CNTN4: variants seen among roughly 807,000 people sequenced by gnomAD.
The protein encoded by CNTN4 is contactin 4, also known as contactin-4.
A neutral mutation model predicts 122.5 loss-of-function variants in CNTN4; 77 were observed. That is an observed-to-expected ratio of 0.63 (90% CI 0.52 to 0.76). The LOEUF is 0.76. Among genes scored for constraint, CNTN4 ranks in the 30% least tolerant of loss-of-function variants. The probability of loss-of-function intolerance (pLI) is 0.00; values close to 1 mark genes in which losing one functional copy is unlikely to be tolerated. For synonymous variants in CNTN4, 512 were observed against 447.0 expected (o/e 1.15, Z -1.83); for missense variants, 1,256 against 1,259.1 (o/e 1.00, Z 0.04).
intron 6 of CNTN4, among the ~76,000 whole-genome samples, chr3:2,769,334 G>A (rs1050524734): frequency 1.3e-5 from 2 of 151,802 alleles, no homozygotes; most frequent in Non-Finnish European, 2.9e-5. Context: ...GCGTGGTGGC[G>A]CACACCTGTA....
intron 2 of CNTN4, among the ~76,000 whole-genome samples, chr3:2,269,533 T>C (rs1001825304): frequency 6.6e-6 from 1 of 152,104 alleles, no homozygotes; most frequent in Non-Finnish European, 1.5e-5. Flanking sequence ...AGGAATCATT[T>C]CGGTGGCTGT....
intron 4 of CNTN4, among the ~76,000 whole-genome samples, chr3:2,657,737 C>T (rs1231348990): frequency 2.0e-5 from 3 of 151,864 alleles, no homozygotes; most frequent in Non-Finnish European, 2.9e-5. Context: ...TGGCATATTG[C>T]AGTTACTGTT....
chr3:2,186,124 C>T (rs1435643744), intron 2 of CNTN4, among the ~76,000 whole-genome samples: 1 of 145,756 alleles, frequency 6.9e-6, no homozygotes, highest in Non-Finnish European at 1.5e-5. Flanking sequence ...CGTTCCCCTT[C>T]CTGTGTCCAA....
intron 2 of CNTN4, among the ~76,000 whole-genome samples, chr3:2,126,417 C>T (rs150992796): frequency 1.3e-3 from 201 of 152,214 alleles, no homozygotes; most frequent in South Asian, 6.4e-3. Flanking sequence ...TTATCTGGCA[C>T]CTTTTCTTGT....
At position 2,980,597 on chromosome 3, in the gene CNTN4, G is replaced by C. The variant is rs117500457; in HGVS notation, c.1359-7748G>C. 1.7e-3 allele frequency among the ~76,000 whole-genome samples: 253 copies of C among 152,278 alleles called. 7 individuals carry two copies. In the East Asian group the frequency reaches 0.046, roughly 28 times the overall value. On this transcript the variant is annotated intron_variant, in intron 13 of 24. Coordinates refer to ENST00000418658, the MANE Select transcript of CNTN4 (RefSeq NM_175607.3). The stretch of plus-strand genomic sequence containing the variant: ...AAAATAAAGCTATTAAAGCGGCGCT[G>C]TTGTCTGAGGTAATACCCGACGTTT...
chr3:2,459,364 C>T (rs969144417), intron 3 of CNTN4, among the ~76,000 whole-genome samples: 2 of 152,036 alleles, frequency 1.3e-5, no homozygotes, highest in Non-Finnish European at 2.9e-5. Flanking sequence ...TCTCAGAAGA[C>T]AGTAAAAACG....
intron 13 of CNTN4, among the ~76,000 whole-genome samples, chr3:2,948,160 A>G (rs2094698926): frequency 6.6e-6 from 1 of 152,116 alleles, no homozygotes; most frequent in Non-Finnish European, 1.5e-5. Context: ...TTCATAGCTC[A>G]CTTTGTTAGA....
At chr3:2,727,131 T>C (rs971940530) in intron 4 of CNTN4, among the ~76,000 whole-genome samples, 1 of 152,168 alleles carries the variant, frequency 6.6e-6, no homozygotes, top group African/African-American at 2.4e-5. Flanking sequence ...TGGAATCCAA[T>C]CTAGTCCCAG....
intron 2 of CNTN4, among the ~76,000 whole-genome samples, chr3:2,231,732 A>C (rs1297870202): frequency 6.6e-6 from 1 of 152,210 alleles, no homozygotes; most frequent in South Asian, 2.1e-4. Context: ...ATCTAAAACG[A>C]ATGGTTGATA....
intron 3 of CNTN4, among the ~76,000 whole-genome samples, chr3:2,469,107 G>C (rs1377577308): frequency 1.3e-5 from 2 of 152,178 alleles, no homozygotes; most frequent in Non-Finnish European, 2.9e-5. Context: ...CTGGTAGTTA[G>C]CTAACCACTA....
chr3:2,629,675 T>G (rs2082345854), intron 4 of CNTN4: 1 of 356,268 alleles, frequency 2.8e-6, no homozygotes. Context: ...GCCACTAATA[T>G]TCCTGATACA....
chr3:3,044,677 C>T (rs546649382), intron 23 of CNTN4, among the ~76,000 whole-genome samples: 6 of 152,328 alleles, frequency 3.9e-5, no homozygotes, highest in Non-Finnish European at 2.9e-5. Flanking sequence ...TAGCTCCCAG[C>T]GTGAGCAACG....
chr3:2,438,818 C>G lies in CNTN4; in HGVS notation c.-89+99585C>G, dbSNP rs376272618. Among the ~76,000 whole-genome samples, 8 of 152,274 alleles carry G rather than the reference C, an allele frequency of 5.3e-5. No individual in the cohort carries two copies. The South Asian group carries it at 1.0e-3, about 20-fold the overall frequency. On this transcript the variant is annotated intron_variant, in intron 3 of 24. Transcript: ENST00000418658. The stretch of plus-strand genomic sequence containing the variant: ...TCTCAAGTGGGCAATGAGTTTTAAA[C>G]AGGATATGAAGCCATTTCTGATTGA...
At chr3:2,101,389 CTTG>C (rs1322618193) in intron 2 of CNTN4, among the ~76,000 whole-genome samples, 1 of 152,182 alleles carries the variant, frequency 6.6e-6, no homozygotes, top group African/African-American at 2.4e-5. Context: ...ATGATTTTAA[CTTG>C]TTGTTTCTTC....
chr3:2,423,480 GTTTTTT>G (rs199622494), intron 3 of CNTN4, among the ~76,000 whole-genome samples: 1 of 114,210 alleles, frequency 8.8e-6, no homozygotes, highest in Non-Finnish European at 1.9e-5. Context: ...GTGAAAACTT[GTTTTTT>G]TTTTTTTTTT....
intron 2 of CNTN4, among the ~76,000 whole-genome samples, chr3:2,119,945 T>TC (rs977391197): frequency 2.2e-4 from 33 of 152,200 alleles, no homozygotes; most frequent in African/African-American, 7.7e-4. Flanking sequence ...GTGGGCAGGA[T>TC]CTAGTGTAGG....
chr3:2,492,485 A>G (rs1025137463), intron 3 of CNTN4, among the ~76,000 whole-genome samples: 1 of 152,150 alleles, frequency 6.6e-6, no homozygotes, highest in African/African-American at 2.4e-5. Context: ...ACAGAACGAG[A>G]GAGCAGATTC....
At chr3:2,320,324 G>T (rs1398739167) in intron 2 of CNTN4, among the ~76,000 whole-genome samples, 1 of 152,126 alleles carries the variant, frequency 6.6e-6, no homozygotes, top group Admixed American at 6.6e-5. Flanking sequence ...TTAATAAAAA[G>T]TAATCAAGAT....
chr3:2,741,999 A>G lies in CNTN4; in HGVS notation c.183-3523A>G, dbSNP rs184843870. ...TTATGCCTTTGGCAGTGTCTCTGTA[A>G]CATAATAGCAGACTGGTACCTGGGA... On this transcript the variant is annotated intron_variant, in intron 5 of 24. Coordinates refer to ENST00000418658, the MANE Select transcript of CNTN4 (RefSeq NM_175607.3). 3.2e-4 allele frequency among the ~76,000 whole-genome samples: 49 copies of G among 152,352 alleles called. No homozygotes were observed. In the East Asian group the frequency reaches 8.5e-3, roughly 26 times the overall value.
Sources: allele counts gnomAD v4.1 joint callset (sites outside exome capture counted in the v4.1 genomes callset), GRCh38; gene constraint gnomAD v4.1.1; transcripts MANE v1.5; gene names NCBI Gene and HGNC (gene_info 2026-07-23, HGNC 2026-07-21).